The following PSMF1 variants were observed in gnomAD, a reference collection of about 807,000 sequenced individuals.
The protein encoded by PSMF1 is proteasome inhibitor PI31 subunit.
A neutral mutation model predicts 29.3 loss-of-function variants in PSMF1; 30 were observed. The observed-to-expected ratio is 1.02, with a 90% confidence interval of 0.77 to 1.39. The LOEUF (loss-of-function observed/expected upper bound fraction) is 1.39. Among genes scored for constraint, PSMF1 ranks in the 40% most tolerant of loss-of-function variants. The pLI is 0.00. For synonymous variants in PSMF1, 134 were observed against 139.7 expected, an observed-to-expected ratio of 0.96 and a Z score of 0.29; for missense variants, 344 against 357.5, an observed-to-expected ratio of 0.96 and a Z score of 0.31.
rs112288654 is a variant in PSMF1 at position 1,147,135 on chromosome 20, T to TATC, written c.551+11870_551+11872dup. On this transcript the variant is annotated intron_variant, in intron 4 of 6. Coordinates refer to ENST00000335877, the MANE Select transcript of PSMF1 (RefSeq NM_006814.5). Reference sequence around the variant, plus strand: ...GGTCCATTATGGACATTGTTTCCGTTATCATCATCATCATCATCATCATCA... The same window carrying TATC: ...GGTCCATTATGGACATTGTTTCCGTTATCATCATCATCATCATCATCATCATCA... Among the ~76,000 whole-genome samples, 1,063 of 146,730 alleles carry TATC rather than the reference T, an allele frequency of 7.2e-3. 5 individuals carry two copies. The highest frequency in any genetic ancestry group is 0.016 in the African/African-American group (629 of 39,024).
chr20:1,168,900 A>T lies in PSMF1; in HGVS notation c.*3820A>T, dbSNP rs984826346. On this transcript the variant is annotated 3_prime_UTR_variant, in exon 7 of 7. Coordinates refer to ENST00000335877, the MANE Select transcript of PSMF1 (RefSeq NM_006814.5). ...ATGTATATCCCCAGCTGTTTCTGTC[A>T]TAAAACTTGCATGTGTATAAACCAC... 7.9e-5 allele frequency among the ~76,000 whole-genome samples: 12 copies of T among 152,218 alleles called. No homozygotes were observed. The highest frequency in any genetic ancestry group is 2.0e-4 in the Admixed American group (3 of 15,286).
At chr20:1,160,754 G>T in intron 4 of PSMF1, 1 of 435,200 alleles carries the variant, frequency 2.3e-6, no homozygotes, top group African/African-American at 2.0e-5. Flanking sequence ...TGGGCGACAA[G>T]GCCCAGAGCA....
rs894734688 is a variant in PSMF1 at position 1,169,642 on chromosome 20, A to G, written c.*4562A>G. ...GCAGGATCACATCATCATTGCTACA[A>G]TCTGGGGATTAGGAACTCCAGAGCC... is the stretch of plus-strand genomic sequence containing the variant. On this transcript the variant is annotated 3_prime_UTR_variant, in exon 7 of 7. Coordinates refer to ENST00000335877, the MANE Select transcript of PSMF1 (RefSeq NM_006814.5). Among the ~76,000 whole-genome samples the G allele has an allele frequency of 1.3e-5, 2 of 152,186 alleles. No individual in the cohort carries two copies. The highest frequency in any genetic ancestry group is 6.5e-5 in the Admixed American group (1 of 15,286).
chr20:1,121,131 T>G (rs2086081659), intron 1 of PSMF1, among the ~76,000 whole-genome samples: 1 of 149,586 alleles, frequency 6.7e-6, no homozygotes, highest in East Asian at 2.0e-4. Context: ...TTTAATAGTT[T>G]TTTTTTTTTT....
chr20:1,135,745 A>G (rs750452726), intron 4 of PSMF1, among the ~76,000 whole-genome samples: 3 of 152,210 alleles, frequency 2.0e-5, no homozygotes, highest in Non-Finnish European at 4.4e-5. Context: ...TGTCTTGCCC[A>G]TTTCATTTCA....
chr20:1,150,180 A>C (rs6104662), intron 4 of PSMF1, among the ~76,000 whole-genome samples: 1 of 134,240 alleles, frequency 7.4e-6, no homozygotes, highest in Non-Finnish European at 1.6e-5. Flanking sequence ...ACCCTGTCTC[A>C]AAAAAAAAAA....
At position 1,135,158 on chromosome 20, in the gene PSMF1, G is replaced by C; in HGVS notation, c.403G>C (p.Val135Leu). Residue 135 changes from valine to leucine, a missense_variant, in exon 4 of 7, where the codon GTG (valine) becomes CTG (leucine). Coordinates refer to ENST00000335877, the MANE Select transcript of PSMF1 (RefSeq NM_006814.5). ...CAGTGAGGAGCTTCGGTCTCGTATT[G>C]TGTCTGGAATCATCACACCTATCCA... ...KNSEELRSRI[V>L]SGIITPIHEQ... is the part of the protein sequence containing the mutation. 1 of 1,614,168 alleles carries C rather than the reference G, an allele frequency of 6.2e-7. No homozygotes were observed. Among genetic ancestry groups the C allele is most frequent in the Non-Finnish European group, 8.5e-7 (1 of 1,180,038 alleles).
chr20:1,162,493 C>A (rs2086679287), intron 4 of PSMF1, among the ~76,000 whole-genome samples: 1 of 152,100 alleles, frequency 6.6e-6, no homozygotes, highest in Admixed American at 6.5e-5. Flanking sequence ...TAGAATTACT[C>A]TCCAGAAAGC....
At position 1,168,029 on chromosome 20, in the gene PSMF1, A is replaced by G. The variant is rs1964265020; in HGVS notation, c.*2949A>G. On this transcript the variant is annotated 3_prime_UTR_variant, in exon 7 of 7. Transcript: ENST00000335877. ...TATTTTTCATGCTTATGGCCATCCT[A>G]GTTAGCGTGAAGTAGCATCTCATTG... 1 of 152,210 alleles carries G rather than the reference A, an allele frequency of 6.6e-6. No individual in the cohort carries two copies. Among genetic ancestry groups the G allele is most frequent in the African/African-American group, 2.4e-5 (1 of 41,430 alleles). The allele number at this position is 152,210 out of a possible 1,614,324, so 9.4% of individuals were successfully genotyped here.
In PSMF1 at chr20:1,158,120, C is replaced by G. The variant is rs137913712; in HGVS notation, c.552-5010C>G. Among the ~76,000 whole-genome samples, 889 of 152,222 alleles carry G rather than the reference C, an allele frequency of 5.8e-3. 10 individuals carry two copies. The highest frequency in any genetic ancestry group is 0.019 in the African/African-American group (806 of 41,522). ...TGTCTCCTGGTGGCAGCGTTCCTCCCTCTGGAACTAAGACCTCTAGGCCAG... is the reference window on the plus strand; with the variant it reads ...TGTCTCCTGGTGGCAGCGTTCCTCCGTCTGGAACTAAGACCTCTAGGCCAG... On this transcript the variant is annotated intron_variant, in intron 4 of 6. Coordinates refer to ENST00000335877, the MANE Select transcript of PSMF1 (RefSeq NM_006814.5).
intron 3 of PSMF1, among the ~76,000 whole-genome samples, chr20:1,131,570 C>A (rs2086229745): frequency 1.3e-5 from 2 of 152,228 alleles, no homozygotes; most frequent in Non-Finnish European, 1.5e-5. Context: ...GGCTCTGCCT[C>A]CTGATCAGAG....
intron 4 of PSMF1, among the ~76,000 whole-genome samples, chr20:1,137,077 A>G (rs2086316634): frequency 6.6e-6 from 1 of 152,232 alleles, no homozygotes; most frequent in Admixed American, 6.5e-5. Context: ...TAGAACATCC[A>G]GCATCTCTGG....
chr20:1,127,744 G>A (rs2086177517), intron 3 of PSMF1, among the ~76,000 whole-genome samples: 1 of 152,188 alleles, frequency 6.6e-6, no homozygotes, highest in African/African-American at 2.4e-5. Flanking sequence ...GTGCAGTGGT[G>A]GCTGCAGAGT....
At chr20:1,155,904 A>G (rs767103936) in intron 4 of PSMF1, among the ~76,000 whole-genome samples, 3 of 152,248 alleles carry the variant, frequency 2.0e-5, no homozygotes, top group Non-Finnish European at 4.4e-5. Context: ...GCATAAAAGA[A>G]CCAAGAAAAT....
Position 1,118,731 on chromosome 20 carries a change from C to A in PSMF1, c.-43C>A. 6.3e-7 allele frequency: 1 copy of A among 1,596,338 alleles called. No homozygotes were observed. The highest frequency in any genetic ancestry group is 1.7e-5 in the Admixed American group (1 of 59,200). On this transcript the variant is annotated 5_prime_UTR_variant, in exon 1 of 7. Coordinates refer to ENST00000335877, the MANE Select transcript of PSMF1 (RefSeq NM_006814.5). ...CGCGGAGCCGGCTCACTGCACTACC[C>A]CCGCCCCCTTCTTTCCTCCAGACGC...
At chr20:1,142,638 T>C (rs949242078) in intron 4 of PSMF1, among the ~76,000 whole-genome samples, 4 of 152,262 alleles carry the variant, frequency 2.6e-5, no homozygotes, top group African/African-American at 9.6e-5. Flanking sequence ...CCATGGTGTA[T>C]ATGTGCCACA....
At chr20:1,133,455 C>T (rs1600148909) in intron 3 of PSMF1, among the ~76,000 whole-genome samples, 1 of 148,874 alleles carries the variant, frequency 6.7e-6, no homozygotes, top group South Asian at 2.1e-4. Flanking sequence ...TTGGTCATGG[C>T]ATATAGTTCT....
chr20:1,156,789 AGAT>A (rs1263169723), intron 4 of PSMF1, among the ~76,000 whole-genome samples: 1 of 152,210 alleles, frequency 6.6e-6, no homozygotes, highest in Non-Finnish European at 1.5e-5. Context: ...GACAGAATGG[AGAT>A]GATACCAGAT....
intron 3 of PSMF1, among the ~76,000 whole-genome samples, chr20:1,132,149 A>G (rs770169129): frequency 3.3e-5 from 5 of 152,064 alleles, no homozygotes; most frequent in Non-Finnish European, 7.4e-5. Context: ...TTACTCTATC[A>G]GTATTGATTA....
Sources: gnomAD v4.1 joint callset for allele counts (sites outside exome capture counted in the v4.1 genomes callset) on GRCh38, gnomAD v4.1.1 for gene constraint, MANE v1.5 for transcripts, NCBI Gene and HGNC (gene_info 2026-07-23, HGNC 2026-07-21) for gene names.